The following ADAM12 variants were observed in gnomAD, a reference collection of about 807,000 sequenced individuals.
ADAM12 encodes the protein disintegrin and metalloproteinase domain-containing protein 12.
In ADAM12, 70 loss-of-function variants were observed where a neutral mutation model predicts 106.4. The observed-to-expected ratio is 0.66, with a 90% CI of 0.54 to 0.80. The LOEUF (loss-of-function observed/expected upper bound fraction) is 0.80, where lower values mean the gene tolerates loss of function less well. Among genes scored for constraint, ADAM12 ranks in the 30% least tolerant of loss-of-function variants. The probability of loss-of-function intolerance (pLI) is 0.00; values close to 1 mark genes in which losing one functional copy is unlikely to be tolerated. For synonymous variants in ADAM12, 420 were observed against 433.5 expected (o/e 0.97, Z 0.39); for missense variants, 1,010 against 1,171.9 (o/e 0.86, Z 2.02).
chr10:126,369,467 T>C (rs1198979971), intron 1 of ADAM12, among the ~76,000 whole-genome samples: 1 of 151,912 alleles, frequency 6.6e-6, no homozygotes, highest in Admixed American at 6.6e-5. Context: ...TGGGGTTGGG[T>C]GGGAAGGACC....
chr10:126,179,087 C>G (rs1354870107), intron 3 of ADAM12, among the ~76,000 whole-genome samples: 1 of 152,022 alleles, frequency 6.6e-6, no homozygotes, highest in East Asian at 1.9e-4. Flanking sequence ...AAGAAAATAT[C>G]CACTCAAGCA....
At chr10:126,369,820 T>C (rs762580438) in intron 1 of ADAM12, among the ~76,000 whole-genome samples, 2 of 152,140 alleles carry the variant, frequency 1.3e-5, no homozygotes, top group Admixed American at 1.3e-4. Flanking sequence ...GTATTCACTC[T>C]CATATGTAAC....
intron 3 of ADAM12, among the ~76,000 whole-genome samples, chr10:126,174,011 T>C (rs531554421): frequency 1.1e-5 from 1 of 93,302 alleles, no homozygotes; most frequent in Non-Finnish European, 2.2e-5. Context: ...GTTGTTGATT[T>C]TTTTTTTTTT....
At chr10:126,115,249 T>C (rs1198662834) in intron 6 of ADAM12, among the ~76,000 whole-genome samples, 1 of 152,228 alleles carries the variant, frequency 6.6e-6, no homozygotes, top group Non-Finnish European at 1.5e-5. Context: ...ATAATTTGCA[T>C]TTGCCTTTGG....
At chr10:126,383,440 T>C (rs1243244756) in intron 1 of ADAM12, among the ~76,000 whole-genome samples, 1 of 152,174 alleles carries the variant, frequency 6.6e-6, no homozygotes, top group African/African-American at 2.4e-5. Flanking sequence ...GAGGAAGAAA[T>C]AATTGAAGAA....
chr10:126,047,072 G>C (rs1954346080), intron 16 of ADAM12, among the ~76,000 whole-genome samples: 1 of 152,164 alleles, frequency 6.6e-6, no homozygotes, highest in African/African-American at 2.4e-5. Flanking sequence ...CATTTCCTAA[G>C]TGATACTGGG....
chr10:126,375,993 AC>A (rs1856278895), intron 1 of ADAM12, among the ~76,000 whole-genome samples: 1 of 120,176 alleles, frequency 8.3e-6, no homozygotes, highest in African/African-American at 3.2e-5. Flanking sequence ...CCCCCTCCCC[AC>A]CCCCCAGCCT....
chr10:126,079,127 AT>A (rs531230903), intron 11 of ADAM12, among the ~76,000 whole-genome samples: 4 of 152,222 alleles, frequency 2.6e-5, no homozygotes, highest in Non-Finnish European at 4.4e-5. Flanking sequence ...AGCAACCTGT[AT>A]TTTAATAAGC....
intron 3 of ADAM12, among the ~76,000 whole-genome samples, chr10:126,187,201 A>T (rs1957414645): frequency 2.0e-5 from 3 of 152,156 alleles, no homozygotes; most frequent in Non-Finnish European, 4.4e-5. Flanking sequence ...TTCTTCTTAA[A>T]ATACAGATAC....
chr10:126,240,787 C>A (rs142114135), intron 3 of ADAM12, among the ~76,000 whole-genome samples: 1 of 152,206 alleles, frequency 6.6e-6, no homozygotes, highest in Non-Finnish European at 1.5e-5. Context: ...TAGCAGGGCA[C>A]GCCGGCCTGG....
chr10:126,261,856 G>T (rs1331495885), intron 3 of ADAM12, among the ~76,000 whole-genome samples: 4 of 149,250 alleles, frequency 2.7e-5, no homozygotes, highest in African/African-American at 9.9e-5. Flanking sequence ...AGGCTGGAGT[G>T]CAGCGGCGCG....
In ADAM12 at chr10:126,367,611, G is replaced by C. The variant is rs529692149; in HGVS notation, c.88+20447C>G. Among the ~76,000 whole-genome samples the C allele has an allele frequency of 2.0e-5, 3 of 151,864 alleles. No homozygotes were observed. The South Asian group carries it at 6.2e-4, about 31-fold the overall frequency. On this transcript the variant is annotated intron_variant, in intron 1 of 22. Coordinates refer to ENST00000448723, the MANE Select transcript of ADAM12 (RefSeq NM_001288973.2). ...AAAATCTTTGAAACCAAAGTTGGTT[G>C]TTTGCAAATATTGATAAAATTGTTA...
intron 3 of ADAM12, among the ~76,000 whole-genome samples, chr10:126,193,084 T>C (rs1270852429): frequency 1.3e-5 from 2 of 151,768 alleles, no homozygotes; most frequent in African/African-American, 2.4e-5. Flanking sequence ...GCTAACATGG[T>C]GAAACCCCGT....
chr10:126,114,877 T>C lies in ADAM12; in HGVS notation c.603+3161A>G, dbSNP rs1048531713. Reference sequence around the variant, plus strand: ...AGAGAGGAATTCAGTATGCCTGTCATATTTAAGGAGTTTTCAAACAGTTCT... The same window carrying C: ...AGAGAGGAATTCAGTATGCCTGTCACATTTAAGGAGTTTTCAAACAGTTCT... On this transcript the variant is annotated intron_variant, in intron 6 of 22. Coordinates refer to ENST00000448723, the MANE Select transcript of ADAM12 (RefSeq NM_001288973.2). 7.9e-5 allele frequency among the ~76,000 whole-genome samples: 12 copies of C among 152,198 alleles called. No individual in the cohort carries two copies. The East Asian group carries it at 2.3e-3, about 29-fold the overall frequency.
At chr10:126,090,190 T>TC in intron 11 of ADAM12, among the ~76,000 whole-genome samples, 1 of 151,780 alleles carries the variant, frequency 6.6e-6, no homozygotes, top group Non-Finnish European at 1.5e-5. Flanking sequence ...CACAGCTGTG[T>TC]CCCTAACACC....
intron 4 of ADAM12, among the ~76,000 whole-genome samples, chr10:126,139,425 T>C (rs1956468864): frequency 6.6e-6 from 1 of 152,232 alleles, no homozygotes; most frequent in African/African-American, 2.4e-5. Flanking sequence ...AAGTTGGTCT[T>C]ATATTGGGCA....
chr10:126,045,023 C>T (rs1025179558), intron 17 of ADAM12, among the ~76,000 whole-genome samples: 1 of 152,142 alleles, frequency 6.6e-6, no homozygotes, highest in Non-Finnish European at 1.5e-5. Context: ...TGGGTAGGCT[C>T]CACCTACCCA....
intron 11 of ADAM12, among the ~76,000 whole-genome samples, chr10:126,080,473 C>T (rs1355540635): frequency 6.6e-6 from 1 of 152,148 alleles, no homozygotes; most frequent in Non-Finnish European, 1.5e-5. Flanking sequence ...AGCCCTTTAG[C>T]ACGATCCTTT....
intron 3 of ADAM12, among the ~76,000 whole-genome samples, chr10:126,255,853 T>C (rs1476615258): frequency 6.6e-6 from 1 of 152,206 alleles, no homozygotes; most frequent in Non-Finnish European, 1.5e-5. Flanking sequence ...CTGGTCATTA[T>C]GGTGTTATCC....
Sources: gnomAD v4.1 joint callset for allele counts (sites outside exome capture counted in the v4.1 genomes callset) on GRCh38, gnomAD v4.1.1 for gene constraint, MANE v1.5 for transcripts, NCBI Gene and HGNC (gene_info 2026-07-23, HGNC 2026-07-21) for gene names.